The following DDX60 variants were observed in gnomAD, a reference collection of about 807,000 sequenced individuals.
The protein encoded by DDX60 is DExD/H-box helicase 60, also known as probable ATP-dependent RNA helicase DDX60.
A neutral mutation model predicts 212.8 loss-of-function variants in DDX60; 165 were observed. The ratio of observed to expected loss-of-function variants is 0.78; its 90% CI spans 0.68 to 0.88. The LOEUF (loss-of-function observed/expected upper bound fraction) is 0.88. DDX60 is among the 40% of genes least tolerant of loss of function. The pLI is 0.00. For synonymous variants in DDX60, 703 were observed against 685.3 expected (o/e 1.03, Z -0.40); for missense variants, 1,905 against 2,003.9 (o/e 0.95, Z 0.94).
chr4:168,264,743 A>T (rs1396934099), intron 22 of DDX60, among the ~76,000 whole-genome samples: 1 of 152,186 alleles, frequency 6.6e-6, no homozygotes, highest in Non-Finnish European at 1.5e-5. Context: ...TTGACTAATT[A>T]TCCCTTATAG....
At chr4:168,296,793 T>G (rs888341050) in intron 6 of DDX60, among the ~76,000 whole-genome samples, 3 of 151,844 alleles carry the variant, frequency 2.0e-5, no homozygotes, top group African/African-American at 7.3e-5. Context: ...ATATCAGCAA[T>G]TATAAAGCAG....
At chr4:168,317,057 CAAAA>C (rs34647800) in intron 1 of DDX60, among the ~76,000 whole-genome samples, 1 of 49,808 alleles carries the variant, frequency 2.0e-5, no homozygotes, top group African/African-American at 9.6e-5. Flanking sequence ...GACTCCGTCT[CAAAA>C]AAAAAAAAAA....
chr4:168,218,559 C>G (rs1732933042), intron 37 of DDX60, among the ~76,000 whole-genome samples: 1 of 152,144 alleles, frequency 6.6e-6, no homozygotes, highest in African/African-American at 2.4e-5. Flanking sequence ...TCCGCATGCT[C>G]ATGCTCCCCT....
At chr4:168,292,874 T>C (rs1007391558) in intron 7 of DDX60, among the ~76,000 whole-genome samples, 2 of 152,228 alleles carry the variant, frequency 1.3e-5, no homozygotes, top group Non-Finnish European at 2.9e-5. Context: ...GTGAGAATGA[T>C]TTAAAATACT....
chr4:168,295,999 G>A (rs1164734493), intron 6 of DDX60, among the ~76,000 whole-genome samples: 2 of 152,100 alleles, frequency 1.3e-5, no homozygotes, highest in Admixed American at 6.5e-5. Flanking sequence ...CTCTTCAGAG[G>A]GTGAGGGGAG....
At chr4:168,274,604 T>C (rs546003399) in intron 16 of DDX60, among the ~76,000 whole-genome samples, 1 of 152,276 alleles carries the variant, frequency 6.6e-6, no homozygotes, top group African/African-American at 2.4e-5. Flanking sequence ...ACCGGTCCAC[T>C]CCCGGCCACA....
At chr4:168,279,297 T>C (rs887589372) in intron 14 of DDX60, among the ~76,000 whole-genome samples, 15 of 152,218 alleles carry the variant, frequency 9.9e-5, no homozygotes, top group African/African-American at 3.6e-4. Flanking sequence ...TACTAGACAA[T>C]GCACCTAGCC....
intron 30 of DDX60, among the ~76,000 whole-genome samples, chr4:168,242,123 T>A (rs72693118): frequency 0.059 from 8,913 of 152,262 alleles, 450 homozygotes; most frequent in East Asian, 0.15. Flanking sequence ...AACTGAGGTA[T>A]GGGAACCTCT....
At chr4:168,285,185 A>G (rs971300965) in intron 11 of DDX60, among the ~76,000 whole-genome samples, 6 of 152,232 alleles carry the variant, frequency 3.9e-5, no homozygotes, top group African/African-American at 1.4e-4. Flanking sequence ...ATGCAGCTGT[A>G]GTGATTTATT....
chr4:168,275,419 C>T lies in DDX60; in HGVS notation c.2230G>A (p.Gly744Ser). The T allele has an allele frequency of 6.2e-7, 1 of 1,612,768 alleles. No homozygotes were observed. The highest frequency in any genetic ancestry group is 8.5e-7 in the Non-Finnish European group (1 of 1,179,418). Residue 744 changes from glycine (G) to serine (S), a missense_variant, in exon 16 of 38, where the codon GGC becomes AGC. By Grantham distance (56) the Gly-to-Ser change is moderately conservative. Coordinates refer to ENST00000393743, the MANE Select transcript of DDX60 (RefSeq NM_017631.6). ...CTCTCATCTCGTATCAAATAATGGC[C>T]CATGTATTGCAGTTGGAACCGAGCT... ...GPARFQLQYM[G>S]HYLIRDERKD...
At chr4:168,249,087 GA>G (rs1242213796) in intron 28 of DDX60, among the ~76,000 whole-genome samples, 1 of 150,922 alleles carries the variant, frequency 6.6e-6, no homozygotes, top group Non-Finnish European at 1.5e-5. Flanking sequence ...TGAATAACTA[GA>G]AAGAAAATTT....
chr4:168,269,087 C>G (rs1045787396), intron 19 of DDX60, 118 bp from the exon 20 acceptor site: 3 of 517,410 alleles, frequency 5.8e-6, no homozygotes, highest in Non-Finnish European at 1.1e-5. Context: ...TTTAAGTGAC[C>G]ATGCCAAGTT....
intron 7 of DDX60, 70 bp from the exon 8 acceptor site, chr4:168,291,976 C>T (rs1243059671): frequency 2.6e-6 from 3 of 1,132,778 alleles, no homozygotes; most frequent in Non-Finnish European, 3.6e-6. Flanking sequence ...GCATCTAGGA[C>T]CACAAAAGCT....
At chr4:168,309,345 T>C (rs901211584) in intron 3 of DDX60, among the ~76,000 whole-genome samples, 2 of 152,210 alleles carry the variant, frequency 1.3e-5, no homozygotes, top group African/African-American at 4.8e-5. Context: ...AAAGTTGAAT[T>C]GCCTGATGTG....
chr4:168,322,689 CCCA>C (rs1177896943), upstream of DDX60, among the ~76,000 whole-genome samples: 2 of 152,186 alleles, frequency 1.3e-5, no homozygotes, highest in Non-Finnish European at 2.9e-5. Context: ...GGGAATGATT[CCCA>C]CCCTAGGGGA....
intron 31 of DDX60, 61 bp from the exon 32 acceptor site, chr4:168,237,488 T>C: frequency 6.9e-7 from 1 of 1,459,328 alleles, no homozygotes; most frequent in Middle Eastern, 1.8e-4. Context: ...AGTAACTTAT[T>C]AAGTACCAGT....
At chr4:168,242,864 C>T (rs1733898187) in intron 30 of DDX60, among the ~76,000 whole-genome samples, 1 of 152,074 alleles carries the variant, frequency 6.6e-6, no homozygotes, top group Admixed American at 6.6e-5. Flanking sequence ...TTGGCTGTGT[C>T]CCCACCCAAA....
chr4:168,303,233 C>T (rs149754961), intron 5 of DDX60, among the ~76,000 whole-genome samples: 2,120 of 149,708 alleles, frequency 0.014, 55 homozygotes, highest in African/African-American at 0.05. Context: ...ACCCGGGAGG[C>T]GGAGCTTGCA....
rs143832097 is a variant in DDX60, at chr4:168,284,855, C to T, written c.1526G>A (p.Ser509Asn). Residue 509 changes from serine to asparagine, a missense_variant, in exon 12 of 38, where the codon AGT becomes AAT. Physicochemically the swap from Ser to Asn is conservative, Grantham distance 46 (BLOSUM62 1). Coordinates refer to ENST00000393743, the MANE Select transcript of DDX60 (RefSeq NM_017631.6). Reference protein sequence around the residue: ...LVHWHSHKPLSDDYDRSRCQF... With the variant: ...LVHWHSHKPLNDDYDRSRCQF... ...ACACCTGGACCTGTCATAATCATCA[C>T]TCAGGGGTTTATGAGAATGCCAGTG... is the stretch of plus-strand genomic sequence containing the variant. 269 of 1,593,408 alleles carry T rather than the reference C, an allele frequency of 1.7e-4. No homozygotes were observed. In the African/African-American group the frequency reaches 2.9e-3, roughly 17 times the overall value.
Sources: allele counts gnomAD v4.1 joint callset (sites outside exome capture counted in the v4.1 genomes callset), GRCh38; gene constraint gnomAD v4.1.1; transcripts MANE v1.5; gene names NCBI Gene and HGNC (gene_info 2026-07-23, HGNC 2026-07-21).